The following SCAPER variants were observed in gnomAD, a reference collection of about 807,000 sequenced individuals.
SCAPER encodes S-phase cyclin A associated protein in the ER.
In SCAPER, 98 loss-of-function variants were observed where a neutral mutation model predicts 182.2. That is an observed-to-expected ratio of 0.54 (90% confidence interval 0.46 to 0.64). The LOEUF is 0.64. Among genes scored for constraint, SCAPER ranks in the 30% least tolerant of loss-of-function variants. The pLI is 0.00. For missense variants in SCAPER, 1,432 were observed against 1,690.0 expected, an observed-to-expected ratio of 0.85 and a Z score of 2.68; for synonymous variants, 605 against 564.6, an observed-to-expected ratio of 1.07 and a Z score of -1.01.
chr15:76,691,823 G>A (rs2058376762), intron 20 of SCAPER, among the ~76,000 whole-genome samples: 2 of 152,248 alleles, frequency 1.3e-5, no homozygotes, highest in Non-Finnish European at 2.9e-5. Flanking sequence ...ACTCTTAAAA[G>A]TGTAAAAGAC....
chr15:76,391,265 C>G lies in SCAPER; in HGVS notation c.3468-9650G>C, dbSNP rs150187425. Among the ~76,000 whole-genome samples, 6 of 152,286 alleles carry G rather than the reference C, an allele frequency of 3.9e-5. No individual in the cohort carries two copies. In the East Asian group the frequency reaches 1.2e-3, roughly 29 times the overall value. On this transcript the variant is annotated intron_variant, in intron 27 of 31. Coordinates refer to ENST00000563290, the MANE Select transcript of SCAPER (RefSeq NM_020843.4). The stretch of plus-strand genomic sequence containing the variant: ...CCAGAGAGGCCGTTCCTGACCACTT[C>G]GTCTGCAGAAGCCCTTGACCAAGAC...
intron 1 of SCAPER, among the ~76,000 whole-genome samples, chr15:76,891,578 A>G (rs2074169247): frequency 6.6e-6 from 1 of 152,202 alleles, no homozygotes; most frequent in South Asian, 2.1e-4. Flanking sequence ...TACAAACAGA[A>G]TAAAATATCT....
chr15:76,837,416 G>A (rs1487827227), intron 5 of SCAPER, among the ~76,000 whole-genome samples: 1 of 152,124 alleles, frequency 6.6e-6, no homozygotes, highest in Non-Finnish European at 1.5e-5. Context: ...TGGTGGAAGG[G>A]GAAGTAAACA....
At position 76,883,418 on chromosome 15, in the gene SCAPER, T is replaced by C. The variant is rs1189724516; in HGVS notation, c.6+394A>G. Among the ~76,000 whole-genome samples the C allele has an allele frequency of 2.0e-5, 3 of 152,192 alleles. No homozygotes were observed. In the East Asian group the frequency reaches 5.8e-4, roughly 29 times the overall value. On this transcript the variant is annotated intron_variant, in intron 2 of 31. Coordinates refer to ENST00000563290, the MANE Select transcript of SCAPER (RefSeq NM_020843.4). ...TTTCACATCGGTCCCCATACCAGAT[T>C]CAAGACCTACTCTAGCCCAACTTCT... is the stretch of plus-strand genomic sequence containing the variant.
At chr15:76,783,588 G>C (rs2064333355) in intron 8 of SCAPER, among the ~76,000 whole-genome samples, 1 of 152,058 alleles carries the variant, frequency 6.6e-6, no homozygotes, top group Non-Finnish European at 1.5e-5. Context: ...AACAAAAAAA[G>C]AGAATTTTAG....
chr15:76,810,830 A>T (rs1185262534), intron 5 of SCAPER, among the ~76,000 whole-genome samples: 1 of 152,106 alleles, frequency 6.6e-6, no homozygotes, highest in Non-Finnish European at 1.5e-5. Flanking sequence ...AGACAAAGTG[A>T]AAAGATGGAA....
chr15:76,453,626 G>A (rs989177342), intron 25 of SCAPER, among the ~76,000 whole-genome samples: 4 of 152,246 alleles, frequency 2.6e-5, no homozygotes, highest in Admixed American at 6.5e-5. Context: ...AACTGATACT[G>A]TTTACTTTGA....
At chr15:76,538,093 T>G (rs964762968) in intron 23 of SCAPER, among the ~76,000 whole-genome samples, 2 of 149,402 alleles carry the variant, frequency 1.3e-5, no homozygotes, top group African/African-American at 2.5e-5. Flanking sequence ...TGTGGAGAAA[T>G]AGGAACACTT....
At chr15:76,698,364 G>C (rs2058760297) in intron 20 of SCAPER, among the ~76,000 whole-genome samples, 1 of 152,104 alleles carries the variant, frequency 6.6e-6, no homozygotes, top group Admixed American at 6.6e-5. Flanking sequence ...TATCAAACAT[G>C]AATATGCAAG....
intron 29 of SCAPER, among the ~76,000 whole-genome samples, chr15:76,372,790 C>T (rs2042270782): frequency 1.3e-5 from 2 of 152,010 alleles, no homozygotes; most frequent in South Asian, 2.1e-4. Flanking sequence ...AATGTCCATA[C>T]AAGATAAAGC....
chr15:76,351,512 T>G (rs1001459518), intron 30 of SCAPER, among the ~76,000 whole-genome samples: 1 of 152,208 alleles, frequency 6.6e-6, no homozygotes, highest in African/African-American at 2.4e-5. Context: ...TGCTGCCTAC[T>G]TTGGAAATTA....
chr15:76,643,837 G>C (rs758687321), intron 21 of SCAPER, among the ~76,000 whole-genome samples: 1 of 152,132 alleles, frequency 6.6e-6, no homozygotes, highest in East Asian at 1.9e-4. Flanking sequence ...AAAATTGCTA[G>C]TAAGAGCTTA....
intron 27 of SCAPER, among the ~76,000 whole-genome samples, chr15:76,388,854 G>A (rs1009534936): frequency 5.9e-5 from 9 of 151,356 alleles, no homozygotes; most frequent in South Asian, 2.1e-4. Context: ...CCAGCTACTC[G>A]GGAGGCTGAG....
intron 7 of SCAPER, among the ~76,000 whole-genome samples, chr15:76,798,153 A>C (rs1404959422): frequency 6.6e-6 from 1 of 152,118 alleles, no homozygotes. Context: ...TGAGGTCAGG[A>C]ATTTGAGACC....
In SCAPER at chr15:76,771,812, A is replaced by T; in HGVS notation, c.1178T>A (p.Val393Glu). 1.2e-6 allele frequency: 2 copies of T among 1,613,166 alleles called. No individual in the cohort carries two copies. Among genetic ancestry groups the T allele is most frequent in the Non-Finnish European group, 1.7e-6 (2 of 1,179,406 alleles). ...MLQAGTPPLQ[V>E]NEEKFPAEKA... is the part of the protein sequence containing the mutation. ...CTCTGCTGGAAATTTTTCTTCATTT[A>T]CTTGTAAAGGAGGTGTACCAGCTTG... Residue 393 changes from valine to glutamate, a missense_variant, in exon 10 of 32, where the codon GTA becomes GAA. Physicochemically the swap from Val to Glu is moderately radical, Grantham distance 121. This residue lies in a region of SCAPER where 480 missense variants were observed against 510.2 expected (regional missense o/e 0.94). Transcript: ENST00000563290.
chr15:76,374,201 A>G (rs2042380334), intron 29 of SCAPER, among the ~76,000 whole-genome samples: 1 of 152,076 alleles, frequency 6.6e-6, no homozygotes, highest in Admixed American at 6.6e-5. Flanking sequence ...CAGCCTGGCC[A>G]AGATGGTGAA....
chr15:76,887,645 C>T (rs2073917164), intron 1 of SCAPER, among the ~76,000 whole-genome samples: 3 of 152,280 alleles, frequency 2.0e-5, no homozygotes, highest in East Asian at 1.9e-4. Context: ...ACAAAGCAGC[C>T]AGGAGGCTCG....
Position 76,443,888 on chromosome 15 carries a change from A to G in SCAPER, c.3079-9578T>C, listed in dbSNP as rs141453258. On this transcript the variant is annotated intron_variant, in intron 25 of 31. Coordinates refer to ENST00000563290, the MANE Select transcript of SCAPER (RefSeq NM_020843.4). ...ACAAAGCACAATCAAAGCAATGGCTACCAAGAGGTGGAAATAGCCCAGTCA... is the reference window on the plus strand; with the variant it reads ...ACAAAGCACAATCAAAGCAATGGCTGCCAAGAGGTGGAAATAGCCCAGTCA... 6.1e-3 allele frequency among the ~76,000 whole-genome samples: 931 copies of G among 152,358 alleles called. 7 individuals carry two copies. The highest frequency in any genetic ancestry group is 0.02 in the African/African-American group (851 of 41,568).
At position 76,649,744 on chromosome 15, in the gene SCAPER, AT is replaced by A. The variant is rs1296768090; in HGVS notation, c.2645+15908del. Among the ~76,000 whole-genome samples the A allele has an allele frequency of 9.2e-5, 14 of 151,992 alleles. No individual in the cohort carries two copies. In the East Asian group the frequency reaches 2.3e-3, roughly 25 times the overall value. ...ATGTTTAAGAGATGAAAGAAAAAAAATGTCATAACAGAACTCTACATCCATT... is the reference window on the plus strand; with the variant it reads ...ATGTTTAAGAGATGAAAGAAAAAAAAGTCATAACAGAACTCTACATCCATT... On this transcript the variant is annotated intron_variant, in intron 21 of 31. Coordinates refer to ENST00000563290, the MANE Select transcript of SCAPER (RefSeq NM_020843.4).
Sources: allele counts gnomAD v4.1 joint callset (sites outside exome capture counted in the v4.1 genomes callset), GRCh38; gene constraint gnomAD v4.1.1; regional missense constraint gnomAD v4.1.1; transcripts MANE v1.5; gene names NCBI Gene and HGNC (gene_info 2026-07-23, HGNC 2026-07-21).